Variants in MTHFD1 observed in about 807,000 individuals in gnomAD.
MTHFD1 encodes methylenetetrahydrofolate dehydrogenase, cyclohydrolase and formyltetrahydrofolate synthetase 1, also known as C-1-tetrahydrofolate synthase, cytoplasmic.
In MTHFD1, 44 loss-of-function variants were observed where a neutral mutation model predicts 110.3. That is an observed-to-expected ratio of 0.40 (90% CI 0.31 to 0.51). MTHFD1 has a LOEUF of 0.51. Ranked by LOEUF, MTHFD1 falls within the 20% of genes least tolerant of loss-of-function variation. The pLI is 0.60. For synonymous variants in MTHFD1, 402 were observed against 428.8 expected (o/e 0.94, Z 0.77); for missense variants, 909 against 1,173.1 (o/e 0.77, Z 3.29).
At chr14:64,435,701 T>G in intron 16 of MTHFD1, 30 bp downstream of exon 16, 1 of 1,375,530 alleles carries the variant, frequency 7.3e-7, no homozygotes, top group East Asian at 2.3e-5. Context: ...GCCCCGTTTG[T>G]TTTGGCTATA....
intron 16 of MTHFD1, among the ~76,000 whole-genome samples, chr14:64,435,999 T>G (rs995718785): frequency 6.6e-6 from 1 of 152,232 alleles, no homozygotes; most frequent in Non-Finnish European, 1.5e-5. Flanking sequence ...GTAGAGAAAT[T>G]ATGTTTAATC....
At chr14:64,393,338 GCAGTGAGC>G (rs1025320921) in intron 1 of MTHFD1, among the ~76,000 whole-genome samples, 92 of 152,170 alleles carry the variant, frequency 6.0e-4, no homozygotes, top group African/African-American at 2.0e-3. Context: ...GGAGGAGGTT[GCAGTGAGC>G]CAGTGAGCCA....
chr14:64,389,382 G>A (rs2077787150), intron 1 of MTHFD1, among the ~76,000 whole-genome samples: 1 of 152,174 alleles, frequency 6.6e-6, no homozygotes, highest in Non-Finnish European at 1.5e-5. Flanking sequence ...TCCTAACTTT[G>A]TAATAGGTTT....
Position 64,418,025 on chromosome 14 carries a change from G to A in MTHFD1, c.615+1G>A. 6.2e-7 allele frequency: 1 copy of A among 1,614,200 alleles called. No individual in the cohort carries two copies. On this transcript the variant is annotated splice_donor_variant, in intron 7 of 27. Coordinates refer to ENST00000652337, the MANE Select transcript of MTHFD1 (RefSeq NM_005956.4). LOFTEE classifies it high-confidence loss of function. ...CAAGACTGCCCATCTGGATGAGGAG[G>A]TAGGGTGTCCAGAGGAGAGGTAAAG... is the stretch of plus-strand genomic sequence containing the variant.
intron 1 of MTHFD1, chr14:64,390,378 T>G (rs7151163): frequency 0.54 from 80,973 of 151,070 alleles, 24,129 homozygotes; most frequent in African/African-American, 0.81. Flanking sequence ...GATGAAGTCT[T>G]GCTGTGTCCA....
intron 26 of MTHFD1, among the ~76,000 whole-genome samples, chr14:64,456,086 A>G (rs1341866863): frequency 1.3e-5 from 2 of 152,120 alleles, no homozygotes; most frequent in Non-Finnish European, 1.5e-5. Context: ...GGGTAGCTGT[A>G]CTCTTTCTTG....
chr14:64,426,534 G>A (rs182807885), intron 11 of MTHFD1, among the ~76,000 whole-genome samples: 9,250 of 151,926 alleles, frequency 0.061, 491 homozygotes, highest in African/African-American at 0.15. Context: ...GCAGTGGCAC[G>A]ATCTCGGCTC....
At chr14:64,401,750 T>TA (rs1432711523) in intron 2 of MTHFD1, among the ~76,000 whole-genome samples, 3 of 152,154 alleles carry the variant, frequency 2.0e-5, no homozygotes, top group African/African-American at 7.2e-5. Context: ...TTTATTCATT[T>TA]AAAAATGCCA....
chr14:64,455,343 A>AT (rs2078452624), intron 26 of MTHFD1, among the ~76,000 whole-genome samples: 2 of 152,240 alleles, frequency 1.3e-5, no homozygotes, highest in South Asian at 4.1e-4. Context: ...GAATTTCCCC[A>AT]TTAAAAAATG....
At chr14:64,398,517 A>T (rs890023789) in intron 1 of MTHFD1, among the ~76,000 whole-genome samples, 3 of 152,238 alleles carry the variant, frequency 2.0e-5, no homozygotes, top group Non-Finnish European at 4.4e-5. Flanking sequence ...ACTGCACTCC[A>T]GCCTGGGTGA....
chr14:64,421,119 C>CA (rs1421563403), intron 8 of MTHFD1, among the ~76,000 whole-genome samples: 1 of 152,172 alleles, frequency 6.6e-6, no homozygotes. Flanking sequence ...TTATTCCTTC[C>CA]AAACCTTGTT....
At chr14:64,448,094 C>G (rs2078309557) in intron 22 of MTHFD1, 123 bp from the exon 23 acceptor site, 1 of 740,002 alleles carries the variant, frequency 1.4e-6, no homozygotes, top group Non-Finnish European at 2.4e-6. Flanking sequence ...TCTCTTCTTT[C>G]TTGGCCTCCT....
intron 1 of MTHFD1, among the ~76,000 whole-genome samples, chr14:64,395,096 A>G (rs1403611834): frequency 1.3e-5 from 2 of 152,228 alleles, no homozygotes; most frequent in Non-Finnish European, 2.9e-5. Flanking sequence ...CTTTGTTGAC[A>G]TATAGTTAAG....
intron 21 of MTHFD1, 132 bp from the exon 22 acceptor site, chr14:64,444,557 AGGGC>A: frequency 1.0e-6 from 1 of 974,336 alleles, no homozygotes; most frequent in Non-Finnish European, 1.6e-6. Flanking sequence ...CTAAGTCCTT[AGGGC>A]AGGAAATAAT....
chr14:64,441,895 T>C, intron 19 of MTHFD1, 159 bp from the exon 20 acceptor site: 1 of 691,156 alleles, frequency 1.4e-6, no homozygotes, highest in Non-Finnish European at 2.6e-6. Context: ...TCCTCACACC[T>C]GTGACTGGGA....
rs188146317 is a variant in MTHFD1, at chr14:64,409,713, G to A, written c.127-1377G>A. 4.3e-3 allele frequency among the ~76,000 whole-genome samples: 650 copies of A among 152,004 alleles called. 19 individuals carry two copies. Among genetic ancestry groups the A allele is most frequent in the Non-Finnish European group, 1.4e-3 (92 of 67,990 alleles). ...ATACAAATAACCCATTAAAAAAAAA[G>A]GTAGAATTCCCCTCAAAGGACTCTT... On this transcript the variant is annotated intron_variant, in intron 2 of 27. Transcript: ENST00000652337.
chr14:64,438,131 C>A (rs1264199400), intron 16 of MTHFD1, among the ~76,000 whole-genome samples: 1 of 152,198 alleles, frequency 6.6e-6, no homozygotes, highest in East Asian at 1.9e-4. Flanking sequence ...CCTTGGCCCC[C>A]CAAAGTGCTG....
At chr14:64,422,901 G>C (rs1204054536) in intron 8 of MTHFD1, 1 of 152,150 alleles carries the variant, frequency 6.6e-6, no homozygotes, top group Non-Finnish European at 1.5e-5. Flanking sequence ...CGTCAACCCT[G>C]ACAGTATTTG....
chr14:64,454,042 A>G (rs1290420321), intron 25 of MTHFD1, among the ~76,000 whole-genome samples, 181 bp downstream of exon 25: 2 of 152,172 alleles, frequency 1.3e-5, no homozygotes, highest in Non-Finnish European at 2.9e-5. Flanking sequence ...TTATTTACCC[A>G]TAGGCGTTAT....
Sources: allele counts gnomAD v4.1 joint callset (sites outside exome capture counted in the v4.1 genomes callset), GRCh38; gene constraint gnomAD v4.1.1; transcripts MANE v1.5; gene names NCBI Gene and HGNC (gene_info 2026-07-23, HGNC 2026-07-21).